Variants in COL5A3 observed in about 807,000 individuals in gnomAD.
COL5A3 encodes the protein collagen alpha-3(V) chain.
Under a neutral mutation model 250.0 loss-of-function variants are expected in COL5A3, and 172 were observed. That is an observed-to-expected ratio of 0.69 (90% CI 0.61 to 0.78). The LOEUF is 0.78. Among genes scored for constraint, COL5A3 ranks in the 30% least tolerant of loss-of-function variants. COL5A3 has a pLI of 0.00. For missense variants in COL5A3, 2,340 were observed against 2,334.4 expected, an observed-to-expected ratio of 1.00 and a Z score of -0.05; for synonymous variants, 937 against 900.4, an observed-to-expected ratio of 1.04 and a Z score of -0.73.
At chr19:9,961,473 T>C (rs1476996280) in intron 65 of COL5A3, among the ~76,000 whole-genome samples, 2 of 151,090 alleles carry the variant, frequency 1.3e-5, no homozygotes, top group African/African-American at 4.9e-5. Flanking sequence ...CAAGTCATCC[T>C]CCCATCTCAG....
At position 9,993,811 on chromosome 19, in the gene COL5A3, G is replaced by A; in HGVS notation, c.1588-5C>T. Reference sequence around the variant, plus strand: ...TCCATCTGCTCCAGGGCGGCCCTATGGAGAAAGTAAGCCCAAGAGTCAAGG... The same window carrying A: ...TCCATCTGCTCCAGGGCGGCCCTATAGAGAAAGTAAGCCCAAGAGTCAAGG... On this transcript the variant is annotated splice_polypyrimidine_tract_variant and splice_region_variant and intron_variant, in intron 16 of 66. Coordinates refer to ENST00000264828, the MANE Select transcript of COL5A3 (RefSeq NM_015719.4). The A allele has an allele frequency of 6.2e-7, 1 of 1,614,068 alleles. No homozygotes were observed. Among genetic ancestry groups the A allele is most frequent in the South Asian group, 1.1e-5 (1 of 91,076 alleles).
Position 9,960,846 on chromosome 19 carries a change from C to T in COL5A3, c.4896G>A (p.Gln1632=). The T allele has an allele frequency of 1.2e-6, 2 of 1,611,602 alleles. No homozygotes were observed. ...DADGSPVNVV[Q]LNFLKLLSAT... ...CACTCAGCAGTTTCAGGAAGTTCAG[C>T]TGCACGACATTCACTGGGGACCCGT... Residue 1632 remains glutamine, a synonymous_variant, in exon 66 of 67, where the codon CAG becomes CAA. Transcript: ENST00000264828.
chr19:9,973,863 CT>C (rs1209443269), intron 48 of COL5A3, 54 bp from the exon 49 acceptor site: 1 of 1,608,290 alleles, frequency 6.2e-7, no homozygotes, highest in East Asian at 2.2e-5. Context: ...ACATCCTCTT[CT>C]TAGGAAATGG....
rs57037583 is a variant in COL5A3, at chr19:9,964,854, T to TA, written c.4782+1459dup. 2.2e-3 allele frequency among the ~76,000 whole-genome samples: 107 copies of TA among 49,006 alleles called. 11 individuals are homozygous for TA. The highest frequency in any genetic ancestry group is 5.2e-3 in the Admixed American group (15 of 2,892). The allele number at this position is 49,006 out of a possible 152,430, so 32.1% of individuals were successfully genotyped here. A position where few individuals can be genotyped will look rare whatever the true frequency, so the allele number is the denominator to read the frequency against. On this transcript the variant is annotated intron_variant, in intron 64 of 66. Coordinates refer to ENST00000264828, the MANE Select transcript of COL5A3 (RefSeq NM_015719.4). ...CAACGTAGTGAAACCCCATCTCTAC[T>TA]AAAAAAAAAAAAAAAAAAAAAAAAA...
rs1329233852 is a variant in COL5A3, at chr19:9,966,680, C to A, written c.4525G>T (p.Val1509Leu). 1.9e-6 allele frequency: 3 copies of A among 1,538,510 alleles called. No individual in the cohort carries two copies. Among genetic ancestry groups the A allele is most frequent in the Non-Finnish European group, 2.6e-6 (3 of 1,147,618 alleles). ...RRFVPVPLPV[V>L]EGGLEEVLAS... ...AGCACCTCCTCCAGGCCGCCCTCCACGACTGGAAGCGGGACTGGGACGAAG... is the reference window on the plus strand; with the variant it reads ...AGCACCTCCTCCAGGCCGCCCTCCAAGACTGGAAGCGGGACTGGGACGAAG... Residue 1509 changes from valine to leucine, a missense_variant, in exon 63 of 67, where the codon GTG (valine) becomes TTG (leucine). Around this residue, in one of 3 missense-constraint regions of COL5A3, gnomAD observed 1,179 missense variants for 1,162.6 expected, o/e 1.01. Transcript: ENST00000264828.
At chr19:9,987,415 A>G (rs925215986) in intron 27 of COL5A3, among the ~76,000 whole-genome samples, 4 of 152,174 alleles carry the variant, frequency 2.6e-5, no homozygotes, top group Non-Finnish European at 4.4e-5. Context: ...CAATGTAACT[A>G]GACTCAACTA....
At chr19:9,975,728 C>A (rs34316001) in intron 45 of COL5A3, among the ~76,000 whole-genome samples, 25 of 144,448 alleles carry the variant, frequency 1.7e-4, no homozygotes, top group African/African-American at 6.5e-4. Context: ...ACATTGGGTG[C>A]TGGTATTGAG....
At chr19:9,973,356 C>T (rs1300111561) in intron 50 of COL5A3, among the ~76,000 whole-genome samples, 4 of 152,206 alleles carry the variant, frequency 2.6e-5, no homozygotes, top group Non-Finnish European at 5.9e-5. Context: ...TCCCCTGGGT[C>T]ATGTAGTCTT....
rs1266776431 is a variant in COL5A3, at chr19:9,973,757, T to C, written c.3611A>G (p.Lys1204Arg). The C allele has an allele frequency of 1.2e-6, 2 of 1,613,994 alleles. No homozygotes were observed. The highest frequency in any genetic ancestry group is 3.3e-5 in the Admixed American group (2 of 60,018). The change falls in exon 49 of 67, where the codon AAG becomes AGG. Residue 1204 changes from lysine to arginine, a missense_variant and splice_region_variant. Around this residue, in one of 3 missense-constraint regions of COL5A3, gnomAD observed 1,179 missense variants for 1,162.6 expected, o/e 1.01. Transcript: ENST00000264828. ...CAGCCCCTGCCTTCCCTCACTCACC[T>C]TCTCACCCACGGCGCCTGGCTGACC... ...GVGQPGAVGEKGERGDAGDPG... is the reference protein window; with the variant it reads ...GVGQPGAVGERGERGDAGDPG...
Position 9,968,755 on chromosome 19 carries a change from G to C in COL5A3, c.4153-27C>G. ...TGGGAGAAGAGCAAGGGTCAGTTAG[G>C]GATTCTCAAATGTGAACTCGAGGTC... On this transcript the variant is annotated intron_variant, in intron 57 of 66. Coordinates refer to ENST00000264828, the MANE Select transcript of COL5A3 (RefSeq NM_015719.4). The surrounding 1 kb of genome is among the most constrained non-coding windows in gnomAD (Gnocchi z 4.1). 1 of 1,600,706 alleles carries C rather than the reference G, an allele frequency of 6.2e-7. No homozygotes were observed. Among genetic ancestry groups the C allele is most frequent in the East Asian group, 2.2e-5 (1 of 44,536 alleles).
chr19:9,968,326 GTC>G lies in COL5A3; in HGVS notation c.4314+57_4314+58del. On this transcript the variant is annotated intron_variant, in intron 59 of 66. Coordinates refer to ENST00000264828, the MANE Select transcript of COL5A3 (RefSeq NM_015719.4). This position sits in a 1 kb window ranked among gnomAD's most constrained non-coding sequence, Gnocchi z 4.1. ...ACGTTTCCCAGACCCCACACCCACA[GTC>G]TCTCAACCGACCCCCTCCTTCAAAT... is the stretch of plus-strand genomic sequence containing the variant. 6 of 1,394,078 alleles carry G rather than the reference GTC, an allele frequency of 4.3e-6. No individual in the cohort carries two copies. The highest frequency in any genetic ancestry group is 6.0e-6 in the Non-Finnish European group (6 of 998,486). The allele number at this position is 1,394,078 out of a possible 1,614,324, so 86.4% of individuals were successfully genotyped here.
At chr19:9,999,313 T>C (rs552772577) in intron 8 of COL5A3, among the ~76,000 whole-genome samples, 277 of 151,638 alleles carry the variant, frequency 1.8e-3, no homozygotes, top group Non-Finnish European at 3.0e-3. Context: ...CTCCTCAGCC[T>C]CCTGAGTAGC....
chr19:9,969,192 G>A (rs1330244853), intron 57 of COL5A3, among the ~76,000 whole-genome samples, 157 bp downstream of exon 57: 2 of 152,112 alleles, frequency 1.3e-5, no homozygotes, highest in Non-Finnish European at 2.9e-5. Flanking sequence ...GACCATCAGG[G>A]TGGAAGGTCA....
rs4044577 is a variant in COL5A3, at chr19:10,009,161, GGTGT to G, written c.88+1133_88+1136del. Among the ~76,000 whole-genome samples, 20,276 of 140,104 alleles carry G rather than the reference GGTGT, an allele frequency of 0.14. 1,428 individuals carry two copies. Among genetic ancestry groups the G allele is most frequent in the Non-Finnish European group, 0.16 (10,020 of 63,806 alleles). The allele number at this position is 140,104 out of a possible 152,430, so 91.9% of individuals were successfully genotyped here. A position where few individuals can be genotyped will look rare whatever the true frequency, so the allele number is the denominator to read the frequency against. ...GACTCCAAAGTAAGAAGTGTGCTGT[GGTGT>G]GTGTGTGTGTGTGTGTGTGTGTGTG... On this transcript the variant is annotated intron_variant, in intron 1 of 66. Coordinates refer to ENST00000264828, the MANE Select transcript of COL5A3 (RefSeq NM_015719.4). The surrounding 1 kb of genome is among the most constrained non-coding windows in gnomAD (Gnocchi z 4.4).
intron 28 of COL5A3, 48 bp downstream of exon 28, chr19:9,986,666 C>T (rs1420745672): frequency 1.9e-6 from 3 of 1,613,654 alleles, no homozygotes; most frequent in South Asian, 1.1e-5. Flanking sequence ...CAACCAGGAC[C>T]CCATGATTGG....
intron 32 of COL5A3, 102 bp downstream of exon 32, chr19:9,981,963 T>C: frequency 2.3e-6 from 2 of 875,818 alleles, no homozygotes; most frequent in East Asian, 2.4e-5. Flanking sequence ...GTTCCAGGCA[T>C]AGACACAAAC....
At chr19:9,973,048 G>A (rs369433879) in intron 50 of COL5A3, 22 bp from the exon 51 acceptor site, 1 of 1,581,340 alleles carries the variant, frequency 6.3e-7, no homozygotes, top group Non-Finnish European at 8.6e-7. Flanking sequence ...GAGGTCAGAG[G>A]TCAGAGTGGC....
At chr19:9,970,057 C>G (rs1599532365) in intron 54 of COL5A3, 135 bp from the exon 55 acceptor site, 2 of 196,594 alleles carry the variant, frequency 1.0e-5, no homozygotes, top group South Asian at 5.1e-5. Context: ...TGAATGAGGT[C>G]TGGGTGAGTG....
At chr19:10,001,696 T>A (rs773092881) in intron 7 of COL5A3, 26 bp from the exon 8 acceptor site, 1 of 1,613,252 alleles carries the variant, frequency 6.2e-7, no homozygotes, top group East Asian at 2.2e-5. Context: ...AAGACCAAAG[T>A]TTTCCCTGAC....
Sources: gnomAD v4.1 joint callset for allele counts (sites outside exome capture counted in the v4.1 genomes callset) on GRCh38, gnomAD v4.1.1 for gene constraint, gnomAD v4.1.1 regional missense constraint, Gnocchi (gnomAD v3.1) non-coding constraint, MANE v1.5 for transcripts, NCBI Gene and HGNC (gene_info 2026-07-23, HGNC 2026-07-21) for gene names.